PRMT3: variants seen among roughly 807,000 people sequenced by gnomAD.
The protein encoded by PRMT3 is protein arginine N-methyltransferase 3.
PRMT3 carries 62 observed loss-of-function variants against 71.9 expected under a neutral mutation model. The observed-to-expected ratio is 0.86, with a 90% CI of 0.70 to 1.07. The LOEUF is 1.07. Ranked by LOEUF, PRMT3 falls within the 50% of genes least tolerant of loss-of-function variation. The pLI, the probability that PRMT3 is intolerant of heterozygous loss-of-function variation, is 0.00. For synonymous variants in PRMT3, 213 were observed against 220.4 expected, an observed-to-expected ratio of 0.97 and a Z score of 0.30; for missense variants, 663 against 643.0, an observed-to-expected ratio of 1.03 and a Z score of -0.34.
At chr11:20,468,530 G>A (rs764223034) in intron 13 of PRMT3, among the ~76,000 whole-genome samples, 1 of 151,958 alleles carries the variant, frequency 6.6e-6, no homozygotes, top group Non-Finnish European at 1.5e-5. Flanking sequence ...CACCACAGCC[G>A]GCTAATTTTT....
intron 13 of PRMT3, among the ~76,000 whole-genome samples, chr11:20,470,662 T>C (rs1850621888): frequency 1.3e-5 from 2 of 152,168 alleles, no homozygotes; most frequent in Admixed American, 1.3e-4. Context: ...TTAGGTTGAC[T>C]CCATGTCTTT....
rs1848638213 is a variant in PRMT3, at chr11:20,388,130, A to G, written c.140A>G (p.Gln47Arg). 4 of 1,613,792 alleles carry G rather than the reference A, an allele frequency of 2.5e-6. No individual in the cohort carries two copies. Among genetic ancestry groups the G allele is most frequent in the South Asian group, 2.2e-5 (2 of 91,092 alleles). The change falls in exon 2 of 16, where the codon CAG becomes CGG. Residue 47 changes from glutamine to arginine, a missense_variant. Physicochemically the swap from Gln to Arg is conservative, Grantham distance 43. Coordinates refer to ENST00000331079, the MANE Select transcript of PRMT3 (RefSeq NM_005788.4). ...GCAGATCTCCCCCACGGCAAGCAGC[A>G]GACCCCCTGCCTGTTCTGTAACAGG... ...DDADLPHGKQ[Q>R]TPCLFCNRLF...
chr11:20,470,270 ATGTGCAGGATG>A (rs1338932599), intron 13 of PRMT3, among the ~76,000 whole-genome samples: 1 of 152,150 alleles, frequency 6.6e-6, no homozygotes, highest in East Asian at 1.9e-4. Context: ...TCTGGGGTTC[ATGTGCAGGATG>A]TGCAGGTTTG....
intron 5 of PRMT3, among the ~76,000 whole-genome samples, chr11:20,395,356 A>G (rs1349634661): frequency 6.6e-6 from 1 of 151,868 alleles, no homozygotes; most frequent in African/African-American, 2.4e-5. Flanking sequence ...TATTATTATT[A>G]CTTTTAAGAC....
Position 20,412,045 on chromosome 11 carries a change from A to G in PRMT3, c.893+4013A>G, listed in dbSNP as rs1849204632. ...AACAAGTAGATGTATTTAAAGGACT[A>G]AAGAAGCAGACTTATTATTATCTCA... is the stretch of plus-strand genomic sequence containing the variant. On this transcript the variant is annotated intron_variant, in intron 9 of 15. Transcript: ENST00000331079. Among the ~76,000 whole-genome samples the G allele has an allele frequency of 2.6e-5, 4 of 152,198 alleles. No homozygotes were observed. The South Asian group carries it at 8.3e-4, about 31-fold the overall frequency.
At chr11:20,453,277 T>A (rs1400957669) in intron 11 of PRMT3, among the ~76,000 whole-genome samples, 1 of 147,090 alleles carries the variant, frequency 6.8e-6, no homozygotes, top group Non-Finnish European at 1.5e-5. Flanking sequence ...GGTCAGGAGT[T>A]CAAGACCAGC....
chr11:20,441,749 TA>T (rs1442148093), intron 10 of PRMT3, among the ~76,000 whole-genome samples: 1 of 151,910 alleles, frequency 6.6e-6, no homozygotes, highest in Non-Finnish European at 1.5e-5. Context: ...CCTAAGATGA[TA>T]ATTGCTTTAT....
rs548438736 is a variant in PRMT3 at position 20,491,175 on chromosome 11, A to T, written c.1348-2744A>T. 2.0e-5 allele frequency among the ~76,000 whole-genome samples: 3 copies of T among 151,950 alleles called. No individual in the cohort carries two copies. In the South Asian group the frequency reaches 6.2e-4, roughly 32 times the overall value. On this transcript the variant is annotated intron_variant, in intron 13 of 15. Coordinates refer to ENST00000331079, the MANE Select transcript of PRMT3 (RefSeq NM_005788.4). ...CAGTTATTATAATTTTCAATTGAAA[A>T]TTTTTCATTTGGTGCTTTTTTATGG... is the stretch of plus-strand genomic sequence containing the variant.
intron 9 of PRMT3, among the ~76,000 whole-genome samples, chr11:20,424,061 G>A (rs549345681): frequency 3.0e-4 from 45 of 151,562 alleles, no homozygotes; most frequent in Non-Finnish European, 4.4e-4. Flanking sequence ...GCGGGCGCCT[G>A]TAGTCCCAGC....
chr11:20,402,597 A>C (rs1030065865), intron 7 of PRMT3, among the ~76,000 whole-genome samples: 2 of 151,790 alleles, frequency 1.3e-5, no homozygotes, highest in African/African-American at 4.9e-5. Context: ...CCCTATTGAA[A>C]GGAGCAAAAC....
At chr11:20,478,533 TA>T (rs34317661) in intron 13 of PRMT3, among the ~76,000 whole-genome samples, 4,926 of 136,664 alleles carry the variant, frequency 0.036, 221 homozygotes, top group African/African-American at 0.11. Flanking sequence ...CCTGTCTCTT[TA>T]AAAAAAAAAA....
At chr11:20,472,215 G>A (rs1850663119) in intron 13 of PRMT3, among the ~76,000 whole-genome samples, 2 of 152,096 alleles carry the variant, frequency 1.3e-5, no homozygotes, top group Non-Finnish European at 2.9e-5. Flanking sequence ...TGATTGCCCT[G>A]GCCAGGACTT....
intron 15 of PRMT3, among the ~76,000 whole-genome samples, chr11:20,504,707 T>TGTGTGTGAGAGAGA (rs1332372470): frequency 2.2e-5 from 3 of 133,588 alleles, no homozygotes; most frequent in African/African-American, 6.1e-5. Flanking sequence ...TGTGTGTGTG[T>TGTGTGTGAGAGAGA]GAGAGAGAGA....
intron 10 of PRMT3, among the ~76,000 whole-genome samples, chr11:20,432,434 TCA>T (rs1849673579): frequency 6.6e-6 from 1 of 152,140 alleles, no homozygotes; most frequent in Admixed American, 6.5e-5. Flanking sequence ...TGTATATATG[TCA>T]CATTTTTTTT....
intron 10 of PRMT3, among the ~76,000 whole-genome samples, chr11:20,440,687 T>C (rs1849873825): frequency 6.6e-6 from 1 of 152,036 alleles, no homozygotes; most frequent in Non-Finnish European, 1.5e-5. Flanking sequence ...ATTAAAATAG[T>C]AATATTAATT....
chr11:20,411,848 T>C (rs1849200239), intron 9 of PRMT3, among the ~76,000 whole-genome samples: 2 of 152,138 alleles, frequency 1.3e-5, no homozygotes, highest in Admixed American at 1.3e-4. Flanking sequence ...GAGGAAAAGT[T>C]TTATTATACA....
chr11:20,462,811 C>G (rs1414964094), intron 12 of PRMT3, among the ~76,000 whole-genome samples: 1 of 151,732 alleles, frequency 6.6e-6, no homozygotes. Flanking sequence ...TCTGTTTCAA[C>G]TAGATAATCA....
chr11:20,410,473 T>A (rs1849170973), intron 9 of PRMT3, among the ~76,000 whole-genome samples: 1 of 126,812 alleles, frequency 7.9e-6, no homozygotes, highest in South Asian at 3.0e-4. Context: ...CTAAAAAAAA[T>A]TATATTTTAT....
rs60686099 is a variant in PRMT3, at chr11:20,409,654, A to AACACACACACACAC, written c.893+1647_893+1660dup. On this transcript the variant is annotated intron_variant, in intron 9 of 15. Transcript: ENST00000331079. ...TGCGATTTTTGTATTGGAATACACA[A>AACACACACACACAC]ACACACACACACACACACACACACA... is the stretch of plus-strand genomic sequence containing the variant. 2.2e-3 allele frequency among the ~76,000 whole-genome samples: 313 copies of AACACACACACACAC among 144,314 alleles called. 1 individual carries two copies. The highest frequency in any genetic ancestry group is 6.1e-3 in the African/African-American group (236 of 38,708). The allele number at this position is 144,314 out of a possible 152,430, so 94.7% of individuals were successfully genotyped here. A position where few individuals can be genotyped will look rare whatever the true frequency, so the allele number is the denominator to read the frequency against.
Sources: allele counts gnomAD v4.1 joint callset (sites outside exome capture counted in the v4.1 genomes callset), GRCh38; gene constraint gnomAD v4.1.1; transcripts MANE v1.5; gene names NCBI Gene and HGNC (gene_info 2026-07-23, HGNC 2026-07-21).